The following SLC35F3 variants were observed in gnomAD, a reference collection of about 807,000 sequenced individuals.
The protein encoded by SLC35F3 is putative thiamine transporter SLC35F3.
A neutral mutation model predicts 49.9 loss-of-function variants in SLC35F3; 25 were observed. The ratio of observed to expected loss-of-function variants is 0.50; its 90% CI spans 0.37 to 0.70. The LOEUF is 0.70. Ranked by LOEUF, SLC35F3 falls within the 30% of genes least tolerant of loss-of-function variation. The pLI, the probability that SLC35F3 is intolerant of heterozygous loss-of-function variation, is 0.00. For missense variants in SLC35F3, 525 were observed against 639.8 expected (o/e 0.82, Z 1.94); for synonymous variants, 275 against 265.4 (o/e 1.04, Z -0.35).
intron 2 of SLC35F3, among the ~76,000 whole-genome samples, chr1:233,907,495 G>A (rs752686525): frequency 1.2e-4 from 19 of 152,198 alleles, no homozygotes; most frequent in Non-Finnish European, 2.1e-4. Context: ...GTAAATAGTA[G>A]CAGGGAAGGC....
chr1:233,927,870 T>C (rs1023169241), intron 2 of SLC35F3, among the ~76,000 whole-genome samples: 12 of 152,174 alleles, frequency 7.9e-5, no homozygotes, highest in Admixed American at 5.9e-4. Context: ...GGTAATTAGA[T>C]TCCTTAAATA....
At chr1:234,089,638 TCA>T (rs1665011440) in intron 2 of SLC35F3, among the ~76,000 whole-genome samples, 2 of 152,116 alleles carry the variant, frequency 1.3e-5, no homozygotes, top group South Asian at 4.1e-4. Flanking sequence ...CCCGGGGTGG[TCA>T]CATCTTAATA....
intron 3 of SLC35F3, among the ~76,000 whole-genome samples, chr1:234,256,437 C>T (rs1667822870): frequency 6.6e-6 from 1 of 152,160 alleles, no homozygotes; most frequent in Non-Finnish European, 1.5e-5. Context: ...CTTATATCCT[C>T]TCCTTTGCTA....
intron 2 of SLC35F3, among the ~76,000 whole-genome samples, chr1:234,153,994 G>A (rs980419725): frequency 1.5e-4 from 23 of 151,156 alleles, no homozygotes; most frequent in Non-Finnish European, 3.1e-4. Flanking sequence ...CCCAGGAGAC[G>A]GAGCTTGCAG....
At chr1:234,188,986 T>C (rs965295071) in intron 2 of SLC35F3, among the ~76,000 whole-genome samples, 1 of 151,886 alleles carries the variant, frequency 6.6e-6, no homozygotes, top group Non-Finnish European at 1.5e-5. Flanking sequence ...GGAAGCCACA[T>C]CCCTAGGAAA....
At chr1:234,192,233 T>C (rs1447300795) in intron 2 of SLC35F3, among the ~76,000 whole-genome samples, 1 of 152,114 alleles carries the variant, frequency 6.6e-6, no homozygotes, top group Non-Finnish European at 1.5e-5. Context: ...TCCAACAGCA[T>C]ATCAGAAAGA....
intron 2 of SLC35F3, among the ~76,000 whole-genome samples, chr1:234,217,374 C>G (rs909668368): frequency 1.3e-5 from 2 of 152,236 alleles, no homozygotes; most frequent in Non-Finnish European, 2.9e-5. Flanking sequence ...CAAAAAGGAA[C>G]AATTCTAGCT....
intron 2 of SLC35F3, among the ~76,000 whole-genome samples, chr1:233,910,815 G>A (rs1204197574): frequency 6.6e-6 from 1 of 152,122 alleles, no homozygotes; most frequent in African/African-American, 2.4e-5. Context: ...ACAGGTTCTG[G>A]TATGTTGAGA....
intron 2 of SLC35F3, among the ~76,000 whole-genome samples, chr1:234,164,669 G>A (rs1017467204): frequency 6.6e-6 from 1 of 152,112 alleles, no homozygotes; most frequent in African/African-American, 2.4e-5. Flanking sequence ...GCCCATCACA[G>A]CTAGCAGGAA....
chr1:233,983,335 A>G (rs898492233), intron 2 of SLC35F3, among the ~76,000 whole-genome samples: 28 of 152,308 alleles, frequency 1.8e-4, no homozygotes, highest in South Asian at 6.2e-4. Flanking sequence ...GGGAACAAGT[A>G]CCTTATTATA....
In SLC35F3 at chr1:234,145,191, C is replaced by G. The variant is rs1007295395; in HGVS notation, c.284-86226C>G. ...TTTTGAAGTTTTTACCGCACTGTCC[C>G]GCTGTGAGTGGTACTGCATTATAAT... On this transcript the variant is annotated intron_variant, in intron 2 of 7. Coordinates refer to ENST00000366618, the MANE Select transcript of SLC35F3 (RefSeq NM_173508.4). Among the ~76,000 whole-genome samples, 3 of 152,154 alleles carry G rather than the reference C, an allele frequency of 2.0e-5. No individual in the cohort carries two copies. In the East Asian group the frequency reaches 5.8e-4, roughly 29 times the overall value.
intron 2 of SLC35F3, among the ~76,000 whole-genome samples, chr1:234,222,032 T>A (rs984342013): frequency 6.6e-6 from 1 of 152,182 alleles, no homozygotes; most frequent in Non-Finnish European, 1.5e-5. Flanking sequence ...TGTGAGCATA[T>A]GTGTGCATGT....
At chr1:233,911,680 C>A (rs1302931148) in intron 2 of SLC35F3, among the ~76,000 whole-genome samples, 1 of 152,152 alleles carries the variant, frequency 6.6e-6, no homozygotes, top group Admixed American at 6.5e-5. Flanking sequence ...TTCATTTGTT[C>A]ATTTAGCAAA....
chr1:234,106,291 A>T (rs1418842798), intron 2 of SLC35F3, among the ~76,000 whole-genome samples: 1 of 152,184 alleles, frequency 6.6e-6, no homozygotes, highest in African/African-American at 2.4e-5. Flanking sequence ...TCTGGGAAGG[A>T]TTTCTTCCAT....
intron 2 of SLC35F3, among the ~76,000 whole-genome samples, chr1:234,129,204 G>C (rs1665696918): frequency 6.6e-6 from 1 of 152,162 alleles, no homozygotes; most frequent in Admixed American, 6.5e-5. Flanking sequence ...TTACAATAGA[G>C]GATATGCAGA....
chr1:234,158,987 T>C (rs1238235918), intron 2 of SLC35F3, among the ~76,000 whole-genome samples: 1 of 152,170 alleles, frequency 6.6e-6, no homozygotes, highest in African/African-American at 2.4e-5. Context: ...TTTTTGTTGA[T>C]CTGTTGAACT....
At chr1:234,078,240 T>C (rs1033497223) in intron 2 of SLC35F3, among the ~76,000 whole-genome samples, 79 of 150,644 alleles carry the variant, frequency 5.2e-4, no homozygotes, top group African/African-American at 1.8e-3. Flanking sequence ...AAACTGCCTC[T>C]CTTAAAGATT....
In SLC35F3 at chr1:234,253,836, A is replaced by AT. The variant is rs1265980563; in HGVS notation, c.608+22103dup. Among the ~76,000 whole-genome samples the AT allele has an allele frequency of 1.4e-4, 22 of 152,148 alleles. No individual in the cohort carries two copies. In the East Asian group the frequency reaches 3.5e-3, roughly 24 times the overall value. ...CTTGAACAATGTCAAGGGCAAGGAC[A>AT]TTTTTTTTCAGTCATTGTGAGGGAG... On this transcript the variant is annotated intron_variant, in intron 3 of 7. Coordinates refer to ENST00000366618, the MANE Select transcript of SLC35F3 (RefSeq NM_173508.4).
At chr1:234,134,682 A>T (rs1176874400) in intron 2 of SLC35F3, among the ~76,000 whole-genome samples, 1 of 152,060 alleles carries the variant, frequency 6.6e-6, no homozygotes, top group Non-Finnish European at 1.5e-5. Context: ...CAAGGGGATT[A>T]AAACCTTTGT....
Sources: gnomAD v4.1 joint callset for allele counts (sites outside exome capture counted in the v4.1 genomes callset) on GRCh38, gnomAD v4.1.1 for gene constraint, MANE v1.5 for transcripts, NCBI Gene and HGNC (gene_info 2026-07-23, HGNC 2026-07-21) for gene names.